Variants in PDE3B observed in about 807,000 individuals in gnomAD.
PDE3B encodes the protein phosphodiesterase 3B.
Under a neutral mutation model 116.8 loss-of-function variants are expected in PDE3B, and 66 were observed. The ratio of observed to expected loss-of-function variants is 0.56; its 90% CI spans 0.46 to 0.69. The LOEUF (loss-of-function observed/expected upper bound fraction) is 0.69. Ranked by LOEUF, PDE3B falls within the 30% of genes least tolerant of loss-of-function variation. The probability of loss-of-function intolerance (pLI) is 0.00; values close to 1 mark genes in which losing one functional copy is unlikely to be tolerated. For missense variants in PDE3B, 1,384 were observed against 1,368.1 expected, an observed-to-expected ratio of 1.01 and a Z score of -0.18; for synonymous variants, 595 against 533.6, an observed-to-expected ratio of 1.12 and a Z score of -1.59.
chr11:14,873,474 T>C (rs782207543), downstream of PDE3B, among the ~76,000 whole-genome samples: 1 of 151,856 alleles, frequency 6.6e-6, no homozygotes, highest in East Asian at 1.9e-4. Context: ...ATAGATAGAG[T>C]TGGTATGGGG....
At chr11:14,760,008 A>G (rs1036266439) in intron 1 of PDE3B, among the ~76,000 whole-genome samples, 11 of 152,216 alleles carry the variant, frequency 7.2e-5, no homozygotes, top group South Asian at 2.1e-4. Context: ...AGAGACTTAC[A>G]TAATAGAGAT....
At chr11:14,793,222 G>A (rs1311919178) in intron 4 of PDE3B, among the ~76,000 whole-genome samples, 1 of 152,116 alleles carries the variant, frequency 6.6e-6, no homozygotes, top group Non-Finnish European at 1.5e-5. Context: ...TTTTAGTACA[G>A]GTTGAATATC....
intron 1 of PDE3B, among the ~76,000 whole-genome samples, chr11:14,738,458 A>T (rs1357830976): frequency 6.6e-6 from 1 of 151,982 alleles, no homozygotes; most frequent in Non-Finnish European, 1.5e-5. Context: ...CCACTTTTTG[A>T]TGGGTTGTTT....
chr11:14,817,820 C>A (rs937867306), intron 5 of PDE3B, among the ~76,000 whole-genome samples: 1 of 152,076 alleles, frequency 6.6e-6, no homozygotes, highest in Non-Finnish European at 1.5e-5. Flanking sequence ...ATGCTTTGCT[C>A]TTGTGGATAA....
chr11:14,754,547 A>G (rs910320021), intron 1 of PDE3B, among the ~76,000 whole-genome samples: 1 of 152,194 alleles, frequency 6.6e-6, no homozygotes, highest in African/African-American at 2.4e-5. Context: ...GAATGTGAGC[A>G]TGCATTCCTC....
chr11:14,870,463 A>T lies in PDE3B; in HGVS notation c.*803A>T, dbSNP rs554407120. 3.2e-4 allele frequency: 49 copies of T among 152,758 alleles called. No homozygotes were observed. The highest frequency in any genetic ancestry group is 3.4e-3 in the Middle Eastern group (1 of 294). 9.5% of individuals were successfully genotyped at this position (152,758 alleles called of 1,614,324 possible). On this transcript the variant is annotated 3_prime_UTR_variant, in exon 16 of 16. Transcript: ENST00000282096. This position sits in a 1 kb window ranked among gnomAD's most constrained non-coding sequence, Gnocchi z 4.1. ...TAGTCAAAATTGTTGTTTTTACTCT[A>T]GCTCAGGATTCGTATTTTTAAAGAT...
intron 11 of PDE3B, among the ~76,000 whole-genome samples, chr11:14,843,321 A>C (rs1486201108): frequency 2.6e-5 from 4 of 152,198 alleles, no homozygotes; most frequent in Non-Finnish European, 4.4e-5. Flanking sequence ...CAAAAGGGAG[A>C]TAAGGAGTTG....
chr11:14,833,063 G>A (rs1724849291), intron 10 of PDE3B, among the ~76,000 whole-genome samples: 1 of 151,674 alleles, frequency 6.6e-6, no homozygotes, highest in African/African-American at 2.4e-5. Flanking sequence ...TGATTCTCCT[G>A]TCTTGGCCCT....
intron 1 of PDE3B, among the ~76,000 whole-genome samples, chr11:14,751,914 G>A (rs772557446): frequency 3.3e-5 from 5 of 152,150 alleles, no homozygotes; most frequent in Non-Finnish European, 5.9e-5. Context: ...GTGGGACATT[G>A]TAGTGCCAGT....
intron 1 of PDE3B, among the ~76,000 whole-genome samples, chr11:14,716,276 C>T (rs1291372712): frequency 3.3e-5 from 5 of 152,158 alleles, no homozygotes; most frequent in African/African-American, 7.2e-5. Flanking sequence ...GCTACGCCCA[C>T]GGAATCTCGC....
chr11:14,660,082 A>G (rs777814210), intron 1 of PDE3B, among the ~76,000 whole-genome samples: 60 of 152,208 alleles, frequency 3.9e-4, no homozygotes, highest in Non-Finnish European at 7.2e-4. Flanking sequence ...TATAGTCAGC[A>G]TTAGGCAATT....
chr11:14,845,523 A>G (rs1041761545), intron 12 of PDE3B, among the ~76,000 whole-genome samples: 6 of 152,244 alleles, frequency 3.9e-5, no homozygotes, highest in African/African-American at 1.4e-4. Flanking sequence ...AGAAGGCTTC[A>G]GACGATCAAA....
chr11:14,880,475 C>T, the PDE3B span: 139 of 1,613,340 alleles, frequency 8.6e-5, no homozygotes, highest in Admixed American at 3.5e-4. Flanking sequence ...GCACTGGCAG[C>T]TAGTTCCACA....
chr11:14,712,635 C>T (rs1340316674), intron 1 of PDE3B, among the ~76,000 whole-genome samples: 1 of 151,966 alleles, frequency 6.6e-6, no homozygotes, highest in Non-Finnish European at 1.5e-5. Context: ...GCACCACACC[C>T]AGCTAATTTT....
intron 1 of PDE3B, among the ~76,000 whole-genome samples, chr11:14,766,337 T>C (rs2133892601): frequency 6.6e-6 from 1 of 151,748 alleles, no homozygotes; most frequent in South Asian, 2.1e-4. Context: ...CTGTTGGTTC[T>C]GAATACTCAG....
chr11:14,793,448 A>G (rs543693172), intron 4 of PDE3B, among the ~76,000 whole-genome samples: 1 of 152,316 alleles, frequency 6.6e-6, no homozygotes, highest in Non-Finnish European at 1.5e-5. Flanking sequence ...CATGTGGTCA[A>G]GTGTGGAATT....
rs889634627 is a variant in PDE3B at position 14,766,834 on chromosome 11, GA to G, written c.979-5095del. On this transcript the variant is annotated intron_variant, in intron 1 of 15. Coordinates refer to ENST00000282096, the MANE Select transcript of PDE3B (RefSeq NM_000922.4). ...AGTTTACAAAACAAATATTAAGTAG[GA>G]AAAAAAATCATGTTTTGTAGTATGA... Among the ~76,000 whole-genome samples, 134 of 151,286 alleles carry G rather than the reference GA, an allele frequency of 8.9e-4. 1 individual carries two copies. Among genetic ancestry groups the G allele is most frequent in the Middle Eastern group, 3.4e-3 (1 of 294 alleles).
intron 2 of PDE3B, chr11:14,772,969 A>G (rs1286717837): frequency 6.6e-6 from 1 of 151,854 alleles, no homozygotes; most frequent in East Asian, 1.9e-4. Context: ...TCTTTTTCTC[A>G]TGTTATTGTA....
At chr11:14,724,658 T>C (rs543532282) in intron 1 of PDE3B, among the ~76,000 whole-genome samples, 2 of 152,248 alleles carry the variant, frequency 1.3e-5, no homozygotes, top group African/African-American at 4.8e-5. Flanking sequence ...CTGTATTAGA[T>C]TGGATCACAC....
Sources: gnomAD v4.1 joint callset for allele counts (sites outside exome capture counted in the v4.1 genomes callset) on GRCh38, gnomAD v4.1.1 for gene constraint, Gnocchi (gnomAD v3.1) non-coding constraint, MANE v1.5 for transcripts, NCBI Gene and HGNC (gene_info 2026-07-23, HGNC 2026-07-21) for gene names.